FBXL5: variants seen among roughly 807,000 people sequenced by gnomAD.
The protein encoded by FBXL5 is F-box/LRR-repeat protein 5.
In FBXL5, 26 loss-of-function variants were observed where a neutral mutation model predicts 78.3. That is an observed-to-expected ratio of 0.33 (90% CI 0.24 to 0.46). FBXL5 has a LOEUF of 0.46. Ranked by LOEUF, FBXL5 falls within the 20% of genes least tolerant of loss-of-function variation. The pLI is 1.00. For missense variants in FBXL5, 710 were observed against 829.2 expected, an observed-to-expected ratio of 0.86 and a Z score of 1.77; for synonymous variants, 295 against 282.5, an observed-to-expected ratio of 1.04 and a Z score of -0.45.
upstream of FBXL5, among the ~76,000 whole-genome samples, chr4:15,661,466 G>T (rs968860995): frequency 6.6e-6 from 1 of 152,260 alleles, no homozygotes; most frequent in African/African-American, 2.4e-5. Context: ...TGGTCATGAT[G>T]TTCTCTTTGG....
chr4:15,632,676 T>C (rs1003168120), intron 5 of FBXL5, among the ~76,000 whole-genome samples: 73 of 152,230 alleles, frequency 4.8e-4, no homozygotes, highest in Admixed American at 3.5e-3. Flanking sequence ...TTTGTAGCAA[T>C]TGTGAATGGG....
chr4:15,656,630 CCA>C (rs1417907000), upstream of FBXL5, among the ~76,000 whole-genome samples: 4 of 152,166 alleles, frequency 2.6e-5, no homozygotes, highest in Admixed American at 6.5e-5. Flanking sequence ...AGTGGTTAAA[CCA>C]CAGACTCTGG....
chr4:15,640,750 G>T, intron 3 of FBXL5, 38 bp downstream of exon 3: 2 of 1,107,862 alleles, frequency 1.8e-6, no homozygotes, highest in Non-Finnish European at 2.6e-6. Context: ...TTTTAAGAAT[G>T]TTATAAATCT....
chr4:15,661,764 G>C (rs555490309), upstream of FBXL5, among the ~76,000 whole-genome samples: 2 of 152,188 alleles, frequency 1.3e-5, no homozygotes, highest in Admixed American at 6.5e-5. Flanking sequence ...AGGAATTACA[G>C]AGTGGCTTAT....
chr4:15,662,751 A>G (rs992890739), upstream of FBXL5, among the ~76,000 whole-genome samples: 32 of 152,360 alleles, frequency 2.1e-4, no homozygotes, highest in African/African-American at 7.0e-4. Context: ...ACTCCTAGGT[A>G]GCTGATACTA....
chr4:15,630,697 C>A lies in FBXL5; in HGVS notation c.861G>T (p.Glu287Asp), dbSNP rs757078521. 1.3e-6 allele frequency: 2 copies of A among 1,598,528 alleles called. No homozygotes were observed. The highest frequency in any genetic ancestry group is 4.5e-5 in the East Asian group (2 of 44,482). Residue 287 changes from glutamate to aspartate, a missense_variant, in exon 6 of 11, where the codon GAG (glutamate) becomes GAT (aspartate). By Grantham distance (45) the Glu-to-Asp change is conservative (BLOSUM62 2). Around this residue, in one of 4 missense-constraint regions of FBXL5, gnomAD observed 517 missense variants for 542.9 expected, o/e 0.95. Transcript: ENST00000341285. ...CATCAATGTCAGCATCTTCATCCCA[C>A]TCATGAAAAGCACGACTTTCATCTT... is the stretch of plus-strand genomic sequence containing the variant. ...NRKDESRAFH[E>D]WDEDADIDES...
chr4:15,674,311 T>C lies in FBXL5; in HGVS notation c.-284+7072A>G, dbSNP rs191957954. Reference sequence around the variant, plus strand: ...AAGTGGCATGAATGTAGTACCGCTATTGGTACTTTTAATTCTTAACCCATA... The same window carrying C: ...AAGTGGCATGAATGTAGTACCGCTACTGGTACTTTTAATTCTTAACCCATA... On this transcript the variant is annotated intron_variant, in intron 1 of 4. Coordinates refer to the FBXL5 transcript ENST00000507899. Among the ~76,000 whole-genome samples, 592 of 152,164 alleles carry C rather than the reference T, an allele frequency of 3.9e-3. 7 individuals are homozygous for C. Among genetic ancestry groups the C allele is most frequent in the African/African-American group, 0.014 (569 of 41,512 alleles).
At chr4:15,667,934 G>A (rs1424630389) in intron 1 of FBXL5, among the ~76,000 whole-genome samples, 9 of 151,878 alleles carry the variant, frequency 5.9e-5, no homozygotes, top group African/African-American at 1.5e-4. Context: ...CCAGCTACTC[G>A]GGAGGTTGTG....
intron 1 of FBXL5, among the ~76,000 whole-genome samples, chr4:15,650,541 G>A (rs373104874): frequency 6.6e-6 from 1 of 151,392 alleles, no homozygotes; most frequent in East Asian, 1.9e-4. Flanking sequence ...GACCTATAAA[G>A]TTATATACTC....
chr4:15,665,048 T>G (rs1365192846), intron 1 of FBXL5, among the ~76,000 whole-genome samples: 1 of 152,140 alleles, frequency 6.6e-6, no homozygotes, highest in Non-Finnish European at 1.5e-5. Context: ...GTTTTTCATG[T>G]GCTCAGTCAT....
chr4:15,635,985 G>A (rs1187344829), intron 5 of FBXL5, among the ~76,000 whole-genome samples: 1 of 151,820 alleles, frequency 6.6e-6, no homozygotes, highest in Non-Finnish European at 1.5e-5. Flanking sequence ...ATAGGTCAAA[G>A]GCAAAAACAG....
intron 4 of FBXL5, among the ~76,000 whole-genome samples, chr4:15,638,262 T>C (rs1022118387): frequency 1.3e-5 from 2 of 152,210 alleles, no homozygotes; most frequent in African/African-American, 4.8e-5. Context: ...CATTCATATA[T>C]AAATTTATTC....
intron 1 of FBXL5, among the ~76,000 whole-genome samples, chr4:15,675,854 A>AT (rs900603397): frequency 1.3e-5 from 2 of 152,138 alleles, no homozygotes; most frequent in Non-Finnish European, 2.9e-5. Flanking sequence ...AAGTGCTGGG[A>AT]TTACAGGCAT....
intron 1 of FBXL5, among the ~76,000 whole-genome samples, chr4:15,666,736 G>A (rs538553008): frequency 6.6e-6 from 1 of 152,102 alleles, no homozygotes; most frequent in South Asian, 2.1e-4. Context: ...GGAGGCTGAG[G>A]CTTGAGCCTG....
upstream of FBXL5, among the ~76,000 whole-genome samples, chr4:15,663,318 T>G (rs1341723544): frequency 6.6e-6 from 1 of 152,194 alleles, no homozygotes; most frequent in Non-Finnish European, 1.5e-5. Context: ...GTATCTTTAT[T>G]ATTAGACACC....
At chr4:15,641,990 T>C (rs995677993) in intron 2 of FBXL5, among the ~76,000 whole-genome samples, 6 of 151,266 alleles carry the variant, frequency 4.0e-5, no homozygotes, top group Non-Finnish European at 8.8e-5. Context: ...ATTGCACCAC[T>C]GCACCTCAGC....
intron 1 of FBXL5, among the ~76,000 whole-genome samples, chr4:15,677,567 G>C (rs1315054945): frequency 1.3e-5 from 2 of 152,096 alleles, no homozygotes; most frequent in East Asian, 3.9e-4. Flanking sequence ...TAAGTGACTA[G>C]TGATTAATGA....
chr4:15,647,848 C>T (rs1431563659), intron 1 of FBXL5, among the ~76,000 whole-genome samples: 2 of 152,152 alleles, frequency 1.3e-5, no homozygotes, highest in African/African-American at 4.8e-5. Context: ...AACTACTTCA[C>T]AGAGTTCTTG....
chr4:15,655,113 G>T, intron 1 of FBXL5, 91 bp downstream of exon 1: 1 of 1,037,714 alleles, frequency 9.6e-7, no homozygotes, highest in Non-Finnish European at 1.2e-6. Flanking sequence ...CGGGGCTGCG[G>T]GCGCGGCGCA....
Sources: gnomAD v4.1 joint callset for allele counts (sites outside exome capture counted in the v4.1 genomes callset) on GRCh38, gnomAD v4.1.1 for gene constraint, gnomAD v4.1.1 regional missense constraint, MANE v1.5 for transcripts, NCBI Gene and HGNC (gene_info 2026-07-23, HGNC 2026-07-21) for gene names.